The following DAZAP1 variants were observed in gnomAD, a reference collection of about 807,000 sequenced individuals.
The protein encoded by DAZAP1 is DAZ associated protein 1.
A neutral mutation model predicts 60.1 loss-of-function variants in DAZAP1; 6 were observed. The observed-to-expected ratio is 0.10, with a 90% CI of 0.05 to 0.20. The LOEUF is 0.20. DAZAP1 is among the 10% of genes least tolerant of loss of function. The pLI is 1.00. For synonymous variants in DAZAP1, 235 were observed against 215.9 expected (o/e 1.09, Z -0.78); for missense variants, 366 against 560.4 (o/e 0.65, Z 3.50).
intron 7 of DAZAP1, chr19:1,427,538 G>A (rs1404590732): frequency 6.6e-6 from 1 of 152,286 alleles, no homozygotes; most frequent in East Asian, 1.9e-4. Flanking sequence ...TCCATGCCAG[G>A]CGACTGCATT....
Position 1,418,392 on chromosome 19 carries a change from C to G in DAZAP1, c.237+22C>G, listed in dbSNP as rs1045540321. 1 of 1,607,274 alleles carries G rather than the reference C, an allele frequency of 6.2e-7. No homozygotes were observed. Among genetic ancestry groups the G allele is most frequent in the Non-Finnish European group, 8.5e-7 (1 of 1,175,126 alleles). ...AAACGTAAGTGCCCTTCCGGGAGCT[C>G]ACACCCGCTCTCTGTCTCCCCTGTC... On this transcript the variant is annotated intron_variant, in intron 3 of 11. Transcript: ENST00000233078. This position sits in a 1 kb window ranked among gnomAD's most constrained non-coding sequence, Gnocchi z 5.7.
At position 1,428,753 on chromosome 19, in the gene DAZAP1, G is replaced by A. The variant is rs1027101946; in HGVS notation, c.547-89G>A. ...AGTCTTAAGTTGTAAGATGCTAAGTGTAGTCATAAGTTACCCGAGGGTGTG... is the reference window on the plus strand; with the variant it reads ...AGTCTTAAGTTGTAAGATGCTAAGTATAGTCATAAGTTACCCGAGGGTGTG... On this transcript the variant is annotated intron_variant, in intron 7 of 11. Coordinates refer to ENST00000233078, the MANE Select transcript of DAZAP1 (RefSeq NM_018959.4). This position sits in a 1 kb window ranked among gnomAD's most constrained non-coding sequence, Gnocchi z 4.0. 11 of 1,465,646 alleles carry A rather than the reference G, an allele frequency of 7.5e-6. No individual in the cohort carries two copies. The highest frequency in any genetic ancestry group is 3.9e-5 in the Admixed American group (2 of 51,432). The allele number at this position is 1,465,646 out of a possible 1,614,324, so 90.8% of individuals were successfully genotyped here. A position where few individuals can be genotyped will look rare whatever the true frequency, so the allele number is the denominator to read the frequency against.
chr19:1,430,443 G>C, intron 10 of DAZAP1, 81 bp downstream of exon 10: 1 of 1,320,738 alleles, frequency 7.6e-7, no homozygotes. Flanking sequence ...GGGGAGTCTT[G>C]TGTTACACGT....
intron 8 of DAZAP1, among the ~76,000 whole-genome samples, chr19:1,429,555 G>A (rs926813954): frequency 1.2e-4 from 19 of 152,194 alleles, no homozygotes; most frequent in African/African-American, 4.6e-4. Context: ...TCCGGGTCCC[G>A]AGACTGTGGC....
At chr19:1,419,929 G>T (rs1279009333) in intron 4 of DAZAP1, among the ~76,000 whole-genome samples, 1 of 125,292 alleles carries the variant, frequency 8.0e-6, no homozygotes, top group Non-Finnish European at 1.6e-5. Context: ...CAACGGCAGC[G>T]AGCACTCACC....
rs1183994677 is a variant in DAZAP1 at position 1,422,235 on chromosome 19, G to A, written c.415-113G>A. 3.2e-6 allele frequency: 3 copies of A among 943,546 alleles called. No individual in the cohort carries two copies. The African/African-American group carries it at 5.0e-5, about 16-fold the overall frequency. 58.4% of individuals were successfully genotyped at this position (943,546 alleles called of 1,614,324 possible). A position where few individuals can be genotyped will look rare whatever the true frequency, so the allele number is the denominator to read the frequency against. ...GTTGCCCGTGCACCTCCCCCGCTCA[G>A]GGAGGGCGCACCCTGTGCGAGAGTT... On this transcript the variant is annotated intron_variant, in intron 5 of 11. Transcript: ENST00000233078. This position sits in a 1 kb window ranked among gnomAD's most constrained non-coding sequence, Gnocchi z 4.5.
intron 10 of DAZAP1, among the ~76,000 whole-genome samples, chr19:1,430,904 G>T (rs1289734034): frequency 6.6e-6 from 1 of 151,168 alleles, no homozygotes; most frequent in Non-Finnish European, 1.5e-5. Flanking sequence ...TGTATTTTTA[G>T]TAGAGACGGG....
intron 10 of DAZAP1, among the ~76,000 whole-genome samples, chr19:1,431,666 G>A (rs150875450): frequency 4.6e-3 from 696 of 152,254 alleles, no homozygotes; most frequent in Middle Eastern, 0.02. Flanking sequence ...TGACCTCAGC[G>A]CATCCAGAAT....
intron 8 of DAZAP1, 77 bp downstream of exon 8, chr19:1,429,072 G>T (rs1224333676): frequency 1.4e-6 from 2 of 1,447,838 alleles, no homozygotes; most frequent in South Asian, 2.8e-5. Context: ...CTGTGCCGTC[G>T]CTGCGGCCTC....
rs2083185711 is a variant in DAZAP1, at chr19:1,422,471, G to A, written c.463+75G>A. On this transcript the variant is annotated intron_variant, in intron 6 of 11. Coordinates refer to ENST00000233078, the MANE Select transcript of DAZAP1 (RefSeq NM_018959.4). This position sits in a 1 kb window ranked among gnomAD's most constrained non-coding sequence, Gnocchi z 4.5. The stretch of plus-strand genomic sequence containing the variant: ...GATGGCAAACTATCTCACCCGCCAG[G>A]CACACACAGGTGGCGGCTGTAGCAA... 2 of 1,421,984 alleles carry A rather than the reference G, an allele frequency of 1.4e-6. No individual in the cohort carries two copies. Among genetic ancestry groups the A allele is most frequent in the Non-Finnish European group, 2.0e-6 (2 of 1,010,902 alleles). 88.1% of individuals were successfully genotyped at this position (1,421,984 alleles called of 1,614,324 possible). A position where few individuals can be genotyped will look rare whatever the true frequency, so the allele number is the denominator to read the frequency against.
intron 1 of DAZAP1, among the ~76,000 whole-genome samples, 160 bp downstream of exon 1, chr19:1,407,962 C>T (rs990309048): frequency 1.3e-5 from 2 of 151,306 alleles, no homozygotes; most frequent in African/African-American, 2.4e-5. Flanking sequence ...GCGCCGGGGG[C>T]CCTGGACGGG....
chr19:1,430,262 GCCACCCCCA>G lies in DAZAP1; in HGVS notation c.774_782del (p.Pro259_Pro261del). ...CCCCTGCAGGAAGAGGAGCCCCCCC[GCCACCCCCA>G]CCGTTCACCTCCTACATCGTGTCCA... On this transcript the variant is annotated inframe_deletion, in exon 10 of 12. Coordinates refer to ENST00000233078, the MANE Select transcript of DAZAP1 (RefSeq NM_018959.4). 3.4e-6 allele frequency: 2 copies of G among 585,172 alleles called. No homozygotes were observed. Among genetic ancestry groups the G allele is most frequent in the Non-Finnish European group, 5.5e-6 (2 of 366,872 alleles). The allele number at this position is 585,172 out of a possible 1,614,324, so 36.2% of individuals were successfully genotyped here.
At position 1,434,935 on chromosome 19, in the gene DAZAP1, A is replaced by T; in HGVS notation, c.*23A>T. The T allele has an allele frequency of 1.6e-6, 2 of 1,286,904 alleles. No individual in the cohort carries two copies. Among genetic ancestry groups the T allele is most frequent in the Middle Eastern group, 2.1e-4 (1 of 4,676 alleles). The allele number at this position is 1,286,904 out of a possible 1,614,324, so 79.7% of individuals were successfully genotyped here. A position where few individuals can be genotyped will look rare whatever the true frequency, so the allele number is the denominator to read the frequency against. ...TAGCCCGCGGCGCCGCGACGTCTGCACGGCCCAGACCCAGGATTCCAAACT... is the reference window on the plus strand; with the variant it reads ...TAGCCCGCGGCGCCGCGACGTCTGCTCGGCCCAGACCCAGGATTCCAAACT... On this transcript the variant is annotated 3_prime_UTR_variant, in exon 12 of 12. Coordinates refer to ENST00000233078, the MANE Select transcript of DAZAP1 (RefSeq NM_018959.4). The surrounding 1 kb of genome is among the most constrained non-coding windows in gnomAD (Gnocchi z 8.0).
rs761118266 is a variant in DAZAP1, at chr19:1,417,560, CAGGT to C, written c.70+21_70+24del. ...CCCAAGGTAGGTGGGGAAGGGGTGT[CAGGT>C]GGGTACTGCAGATGGGCTCTAGGAC... is the stretch of plus-strand genomic sequence containing the variant. On this transcript the variant is annotated intron_variant, in intron 2 of 11. Coordinates refer to ENST00000233078, the MANE Select transcript of DAZAP1 (RefSeq NM_018959.4). The C allele has an allele frequency of 6.3e-7, 1 of 1,599,414 alleles. No homozygotes were observed. The highest frequency in any genetic ancestry group is 8.5e-7 in the Non-Finnish European group (1 of 1,173,192).
intron 1 of DAZAP1, among the ~76,000 whole-genome samples, chr19:1,410,515 C>T (rs1027276193): frequency 6.6e-5 from 10 of 152,222 alleles, no homozygotes; most frequent in Non-Finnish European, 1.2e-4. Context: ...GCCCGAGTCT[C>T]CAGTGTGCCC....
chr19:1,410,509 G>A (rs991443030), intron 1 of DAZAP1, among the ~76,000 whole-genome samples: 1 of 152,226 alleles, frequency 6.6e-6, no homozygotes, highest in African/African-American at 2.4e-5. Flanking sequence ...AGGAAGGCCC[G>A]AGTCTCCAGT....
At position 1,435,270 on chromosome 19, in the gene DAZAP1, A is replaced by G; in HGVS notation, c.*358A>G. On this transcript the variant is annotated 3_prime_UTR_variant, in exon 12 of 12. Transcript: ENST00000233078. ...TAAACTTTTATGTTAAAGAAAAAAT[A>G]TACATTTACAAATTGTGAGATTTTT... 1 of 155,384 alleles carries G rather than the reference A, an allele frequency of 6.4e-6. No individual in the cohort carries two copies. Among genetic ancestry groups the G allele is most frequent in the East Asian group, 1.9e-4 (1 of 5,328 alleles). The allele number at this position is 155,384 out of a possible 1,614,324, so 9.6% of individuals were successfully genotyped here. A position where few individuals can be genotyped will look rare whatever the true frequency, so the allele number is the denominator to read the frequency against.
chr19:1,414,833 TA>T (rs758126763), intron 1 of DAZAP1, among the ~76,000 whole-genome samples: 2 of 151,938 alleles, frequency 1.3e-5, no homozygotes, highest in Non-Finnish European at 2.9e-5. Context: ...ATTTTTTTTT[TA>T]ATTTTATTTA....
chr19:1,413,826 T>C (rs913421954), intron 1 of DAZAP1, among the ~76,000 whole-genome samples: 1 of 152,242 alleles, frequency 6.6e-6, no homozygotes, highest in Non-Finnish European at 1.5e-5. Flanking sequence ...AAATTCTGTC[T>C]TGTTCTCAGT....
Sources: allele counts gnomAD v4.1 joint callset (sites outside exome capture counted in the v4.1 genomes callset), GRCh38; gene constraint gnomAD v4.1.1; non-coding constraint Gnocchi (gnomAD v3.1); transcripts MANE v1.5; gene names NCBI Gene and HGNC (gene_info 2026-07-23, HGNC 2026-07-21).